Variants in VPS13B observed in about 807,000 individuals in gnomAD.
VPS13B encodes the protein vacuolar protein sorting 13 homolog B, also known as intermembrane lipid transfer protein VPS13B.
Under a neutral mutation model 426.4 loss-of-function variants are expected in VPS13B, and 285 were observed. That is an observed-to-expected ratio of 0.67 (90% CI 0.61 to 0.74). VPS13B has a LOEUF of 0.74. Among genes scored for constraint, VPS13B ranks in the 30% least tolerant of loss-of-function variants. The pLI is 0.00. For missense variants in VPS13B, 4,537 were observed against 4,782.6 expected (o/e 0.95, Z 1.51); for synonymous variants, 1,676 against 1,676.4 (o/e 1.00, Z 0.01).
intron 35 of VPS13B, among the ~76,000 whole-genome samples, chr8:99,684,566 T>C (rs927568246): frequency 2.0e-5 from 3 of 152,138 alleles, no homozygotes; most frequent in Non-Finnish European, 4.4e-5. Flanking sequence ...CTCATCACCA[T>C]TTTGGTAGTA....
chr8:99,089,856 CA>C (rs1385980154), intron 3 of VPS13B, among the ~76,000 whole-genome samples: 1 of 152,108 alleles, frequency 6.6e-6, no homozygotes, highest in Non-Finnish European at 1.5e-5. Context: ...AGGGCCATTT[CA>C]AAATATGTAT....
chr8:99,156,487 G>A (rs117305734), intron 14 of VPS13B, 62 bp from the exon 15 acceptor site: 10 of 1,531,742 alleles, frequency 6.5e-6, no homozygotes, highest in Non-Finnish European at 8.1e-6. Context: ...TTGCATAGAG[G>A]GAACTGCAAC....
chr8:99,860,854 C>T (rs1199431844), intron 57 of VPS13B, among the ~76,000 whole-genome samples: 1 of 152,220 alleles, frequency 6.6e-6, no homozygotes, highest in Non-Finnish European at 1.5e-5. Context: ...ACGGCTCTCA[C>T]ATGATTTACT....
rs1405736445 is a variant in VPS13B at position 99,549,947 on chromosome 8, A to G, written c.4746-6503A>G. On this transcript the variant is annotated intron_variant, in intron 30 of 61. Transcript: ENST00000357162. The stretch of plus-strand genomic sequence containing the variant: ...TTCCTGGGCCTCCCAAGTCTGGGTC[A>G]GGTGTCCCTTCTATGTGCTTCCAAT... Among the ~76,000 whole-genome samples, 4 of 152,118 alleles carry G rather than the reference A, an allele frequency of 2.6e-5. No individual in the cohort carries two copies. The South Asian group carries it at 8.3e-4, about 32-fold the overall frequency.
intron 25 of VPS13B, among the ~76,000 whole-genome samples, chr8:99,493,780 T>TAAAAAAAAAAA (rs376555643): frequency 1.2e-3 from 75 of 60,114 alleles, no homozygotes; most frequent in East Asian, 1.4e-3. Context: ...AGACTCTATC[T>TAAAAAAAAAAA]AAAAAAAAAA....
intron 3 of VPS13B, among the ~76,000 whole-genome samples, chr8:99,095,418 C>A (rs1177098763): frequency 6.6e-6 from 1 of 152,068 alleles, no homozygotes; most frequent in African/African-American, 2.4e-5. Flanking sequence ...CTCATTTAGC[C>A]CCAGTCTAAA....
chr8:99,869,547 C>T (rs1487208361), intron 59 of VPS13B, among the ~76,000 whole-genome samples: 1 of 152,226 alleles, frequency 6.6e-6, no homozygotes, highest in Non-Finnish European at 1.5e-5. Flanking sequence ...CTGTGAATGA[C>T]ATGTTCACTC....
chr8:99,854,441 C>A (rs1816448621), intron 56 of VPS13B, among the ~76,000 whole-genome samples, 185 bp downstream of exon 56: 1 of 152,168 alleles, frequency 6.6e-6, no homozygotes, highest in African/African-American at 2.4e-5. Flanking sequence ...AGACTTTGGG[C>A]AAGTTATTGA....
intron 15 of VPS13B, among the ~76,000 whole-genome samples, chr8:99,157,936 C>A (rs1054358919): frequency 5.3e-5 from 8 of 152,184 alleles, no homozygotes; most frequent in Admixed American, 3.3e-4. Flanking sequence ...AAAAGCAAGG[C>A]CCTAACTCTC....
At chr8:99,418,475 C>CTTTCT (rs1816168238) in intron 21 of VPS13B, among the ~76,000 whole-genome samples, 1 of 143,940 alleles carries the variant, frequency 6.9e-6, no homozygotes, top group Non-Finnish European at 1.5e-5. Context: ...TTCTTTCTTT[C>CTTTCT]TTTCTTTCTT....
chr8:99,178,345 TC>T (rs1181935020), intron 16 of VPS13B, among the ~76,000 whole-genome samples: 2 of 140,170 alleles, frequency 1.4e-5, no homozygotes, highest in Middle Eastern at 4.1e-3. Context: ...CATTGGCGGT[TC>T]CCATATTCAA....
intron 17 of VPS13B, among the ~76,000 whole-genome samples, chr8:99,211,154 G>T (rs1815069174): frequency 6.6e-6 from 1 of 152,106 alleles, no homozygotes; most frequent in Non-Finnish European, 1.5e-5. Flanking sequence ...TTTTCTTATA[G>T]GAATGAGAGG....
At chr8:99,650,059 G>T (rs2133945149) in intron 34 of VPS13B, among the ~76,000 whole-genome samples, 1 of 152,260 alleles carries the variant, frequency 6.6e-6, no homozygotes, top group South Asian at 2.1e-4. Context: ...GGTTATTCCA[G>T]TCTGGGCTGG....
chr8:99,308,696 G>A (rs986640563), intron 19 of VPS13B, among the ~76,000 whole-genome samples: 5 of 152,208 alleles, frequency 3.3e-5, no homozygotes, highest in Admixed American at 1.3e-4. Flanking sequence ...TGTATCCCCA[G>A]TAATGGGATG....
chr8:99,829,973 T>G (rs1452790645), intron 51 of VPS13B, among the ~76,000 whole-genome samples: 2 of 152,208 alleles, frequency 1.3e-5, no homozygotes, highest in Non-Finnish European at 2.9e-5. Context: ...CTCTGGAAGC[T>G]TTATCCCAGA....
At chr8:99,713,971 C>G (rs976742807) in intron 36 of VPS13B, among the ~76,000 whole-genome samples, 2 of 152,050 alleles carry the variant, frequency 1.3e-5, no homozygotes, top group Non-Finnish European at 2.9e-5. Context: ...GAAACCCCAT[C>G]TCTACTAAAA....
intron 14 of VPS13B, among the ~76,000 whole-genome samples, chr8:99,150,850 G>A (rs778465539): frequency 4.6e-5 from 7 of 152,136 alleles, no homozygotes; most frequent in East Asian, 1.9e-4. Context: ...ATACATCCAC[G>A]TGCACGTTTT....
intron 19 of VPS13B, among the ~76,000 whole-genome samples, chr8:99,382,306 C>G (rs1813858381): frequency 6.6e-6 from 1 of 152,070 alleles, no homozygotes; most frequent in African/African-American, 2.4e-5. Context: ...CTTGACTACT[C>G]AAGCTCTTTT....
intron 2 of VPS13B, among the ~76,000 whole-genome samples, chr8:99,025,918 A>G (rs1300304236): frequency 6.6e-6 from 1 of 151,920 alleles, no homozygotes; most frequent in African/African-American, 2.4e-5. Context: ...AGTCTGTGTA[A>G]TAGTTTGCTG....
Sources: allele counts gnomAD v4.1 joint callset (sites outside exome capture counted in the v4.1 genomes callset), GRCh38; gene constraint gnomAD v4.1.1; transcripts MANE v1.5; gene names NCBI Gene and HGNC (gene_info 2026-07-23, HGNC 2026-07-21).